Variants in EXOC6B observed in about 807,000 individuals in gnomAD.
EXOC6B encodes exocyst complex component 6B, also known as SEC15 homolog B.
In EXOC6B, 54 loss-of-function variants were observed where a neutral mutation model predicts 113.5. That is an observed-to-expected ratio of 0.48 (90% CI 0.38 to 0.60). The LOEUF (loss-of-function observed/expected upper bound fraction) is 0.60. Among genes scored for constraint, EXOC6B ranks in the 20% least tolerant of loss-of-function variants. EXOC6B has a pLI of 0.00. For synonymous variants in EXOC6B, 357 were observed against 339.0 expected, an observed-to-expected ratio of 1.05 and a Z score of -0.58; for missense variants, 797 against 977.5, an observed-to-expected ratio of 0.82 and a Z score of 2.46.
intron 6 of EXOC6B, among the ~76,000 whole-genome samples, chr2:72,582,477 A>T (rs1377114782): frequency 6.6e-6 from 1 of 152,112 alleles, no homozygotes; most frequent in Non-Finnish European, 1.5e-5. Flanking sequence ...AGATCATACC[A>T]CTACACTCTA....
intron 17 of EXOC6B, among the ~76,000 whole-genome samples, chr2:72,478,465 T>C (rs1698883739): frequency 6.6e-6 from 1 of 152,236 alleles, no homozygotes; most frequent in South Asian, 2.1e-4. Flanking sequence ...TTGCCATGTT[T>C]ATATTGAGTT....
At chr2:72,535,321 CTAGT>C (rs1230136525) in intron 8 of EXOC6B, among the ~76,000 whole-genome samples, 1 of 152,126 alleles carries the variant, frequency 6.6e-6, no homozygotes, top group Non-Finnish European at 1.5e-5. Flanking sequence ...TATTAAAGCA[CTAGT>C]TACTTAGTTT....
chr2:72,627,741 CAAGG>C (rs1672149061), intron 6 of EXOC6B, among the ~76,000 whole-genome samples: 1 of 152,048 alleles, frequency 6.6e-6, no homozygotes, highest in South Asian at 2.1e-4. Flanking sequence ...TGCATTAGGT[CAAGG>C]TTAGGAAATT....
intron 8 of EXOC6B, among the ~76,000 whole-genome samples, chr2:72,553,312 T>A (rs958455046): frequency 6.6e-5 from 10 of 152,116 alleles, no homozygotes; most frequent in Non-Finnish European, 8.8e-5. Context: ...AATTAAATAA[T>A]TTAAAAGATC....
intron 7 of EXOC6B, among the ~76,000 whole-genome samples, chr2:72,566,112 C>T (rs1704164390): frequency 6.6e-6 from 1 of 151,946 alleles, no homozygotes. Flanking sequence ...GACCTGTAAT[C>T]ATCATCATAA....
intron 20 of EXOC6B, among the ~76,000 whole-genome samples, chr2:72,271,025 T>C (rs755988009): frequency 7.2e-5 from 11 of 152,118 alleles, no homozygotes; most frequent in African/African-American, 1.2e-4. Context: ...AAGTACATAA[T>C]TGCTTGAGTA....
At chr2:72,789,415 G>C (rs370978827) in intron 1 of EXOC6B, among the ~76,000 whole-genome samples, 13 of 152,310 alleles carry the variant, frequency 8.5e-5, no homozygotes, top group African/African-American at 2.9e-4. Context: ...AGATGGGCAT[G>C]TTTGGTGGTT....
At chr2:72,710,008 G>A (rs1679172729) in intron 6 of EXOC6B, among the ~76,000 whole-genome samples, 1 of 152,112 alleles carries the variant, frequency 6.6e-6, no homozygotes, top group African/African-American at 2.4e-5. Flanking sequence ...GAGAGATGTA[G>A]TTGCAATTGT....
chr2:72,753,123 C>T (rs945733958), intron 1 of EXOC6B, among the ~76,000 whole-genome samples: 2 of 151,974 alleles, frequency 1.3e-5, no homozygotes, highest in Non-Finnish European at 2.9e-5. Flanking sequence ...AAAAACTACT[C>T]GGCTGGGCAT....
At chr2:72,311,492 C>T (rs1003636716) in intron 20 of EXOC6B, among the ~76,000 whole-genome samples, 1 of 152,124 alleles carries the variant, frequency 6.6e-6, no homozygotes, top group African/African-American at 2.4e-5. Context: ...TTTCCCCCTT[C>T]TTCTTCTACC....
chr2:72,798,762 T>A (rs1685116052), intron 1 of EXOC6B, among the ~76,000 whole-genome samples: 1 of 151,944 alleles, frequency 6.6e-6, no homozygotes, highest in African/African-American at 2.4e-5. Flanking sequence ...CATAAAAACA[T>A]GGAGAAGATG....
intron 20 of EXOC6B, among the ~76,000 whole-genome samples, chr2:72,318,977 G>A (rs577927291): frequency 5.3e-5 from 8 of 150,700 alleles, no homozygotes; most frequent in East Asian, 1.9e-4. Context: ...TATACTTCCC[G>A]AAATAATTTA....
chr2:72,442,003 A>T (rs1378237115), intron 18 of EXOC6B, among the ~76,000 whole-genome samples: 1 of 152,232 alleles, frequency 6.6e-6, no homozygotes, highest in Admixed American at 6.5e-5. Flanking sequence ...AAAATCCTCA[A>T]CAAAATACTG....
intron 6 of EXOC6B, among the ~76,000 whole-genome samples, chr2:72,653,083 G>T (rs1224117183): frequency 1.3e-5 from 2 of 151,828 alleles, no homozygotes; most frequent in African/African-American, 4.8e-5. Context: ...TATAAATCAT[G>T]CTGCTATAAA....
intron 18 of EXOC6B, among the ~76,000 whole-genome samples, chr2:72,400,987 G>C (rs112174111): frequency 4.6e-4 from 70 of 151,894 alleles, no homozygotes; most frequent in Non-Finnish European, 8.1e-4. Flanking sequence ...AGATACCTAC[G>C]TTCATATATT....
At chr2:72,573,700 T>G (rs1362880910) in intron 7 of EXOC6B, among the ~76,000 whole-genome samples, 1 of 152,210 alleles carries the variant, frequency 6.6e-6, no homozygotes, top group Non-Finnish European at 1.5e-5. Context: ...TAACTATTAA[T>G]GTACTTCATT....
At chr2:72,727,536 C>T (rs1395617424) in intron 5 of EXOC6B, among the ~76,000 whole-genome samples, 1 of 152,132 alleles carries the variant, frequency 6.6e-6, no homozygotes, top group Non-Finnish European at 1.5e-5. Flanking sequence ...ATTGGCAAAA[C>T]TTGAATTGGG....
chr2:72,508,041 A>G (rs1700690461), intron 11 of EXOC6B, among the ~76,000 whole-genome samples: 1 of 151,636 alleles, frequency 6.6e-6, no homozygotes, highest in South Asian at 2.1e-4. Context: ...AAATTAGAGA[A>G]TTCAGTGAAA....
intron 1 of EXOC6B, among the ~76,000 whole-genome samples, chr2:72,815,418 G>A (rs1019034851): frequency 3.3e-5 from 5 of 151,506 alleles, no homozygotes; most frequent in Non-Finnish European, 5.9e-5. Context: ...TTCAGCCCAG[G>A]AGACGGAGGT....
Sources: gnomAD v4.1 joint callset for allele counts (sites outside exome capture counted in the v4.1 genomes callset) on GRCh38, gnomAD v4.1.1 for gene constraint, MANE v1.5 for transcripts, NCBI Gene and HGNC (gene_info 2026-07-23, HGNC 2026-07-21) for gene names.